EHBP1: variants seen among roughly 807,000 people sequenced by gnomAD.
The protein encoded by EHBP1 is EH domain binding protein 1.
EHBP1 carries 55 observed loss-of-function variants against 144.0 expected under a neutral mutation model. The ratio of observed to expected loss-of-function variants is 0.38; its 90% confidence interval spans 0.31 to 0.48. The LOEUF (loss-of-function observed/expected upper bound fraction) is 0.48, where lower values mean the gene tolerates loss of function less well. Among genes scored for constraint, EHBP1 ranks in the 20% least tolerant of loss-of-function variants. EHBP1 has a pLI of 0.98. For synonymous variants in EHBP1, 469 were observed against 472.7 expected, an observed-to-expected ratio of 0.99 and a Z score of 0.10; for missense variants, 1,200 against 1,364.2, an observed-to-expected ratio of 0.88 and a Z score of 1.90.
At chr2:63,019,324 A>G (rs2153275592) in intron 19 of EHBP1, among the ~76,000 whole-genome samples, 1 of 152,304 alleles carries the variant, frequency 6.6e-6, no homozygotes, top group South Asian at 2.1e-4. Flanking sequence ...GAGATTTAAG[A>G]GTATAGACTT....
At chr2:62,827,765 T>C (rs1353258404) in intron 6 of EHBP1, among the ~76,000 whole-genome samples, 1 of 152,038 alleles carries the variant, frequency 6.6e-6, no homozygotes, top group Non-Finnish European at 1.5e-5. Context: ...CCTCCTGGGT[T>C]CAAGTGATTT....
chr2:62,745,589 C>T (rs2039079992), intron 2 of EHBP1, among the ~76,000 whole-genome samples: 1 of 151,694 alleles, frequency 6.6e-6, no homozygotes. Context: ...AGCAAGATGC[C>T]TATGAGATAT....
intron 5 of EHBP1, among the ~76,000 whole-genome samples, chr2:62,792,691 C>T (rs1295694546): frequency 2.0e-5 from 3 of 151,988 alleles, no homozygotes; most frequent in Non-Finnish European, 2.9e-5. Flanking sequence ...TCTTTTTGTA[C>T]ACTCAAACAA....
chr2:63,022,121 C>T (rs1444615944), intron 19 of EHBP1, among the ~76,000 whole-genome samples: 1 of 152,092 alleles, frequency 6.6e-6, no homozygotes, highest in African/African-American at 2.4e-5. Context: ...CAACTGGATG[C>T]ATTACTGACC....
chr2:62,921,480 C>A (rs2055076721), intron 10 of EHBP1, among the ~76,000 whole-genome samples: 1 of 149,926 alleles, frequency 6.7e-6, no homozygotes. Context: ...CCCATGATAA[C>A]CACAAAGAAA....
chr2:62,760,423 A>G (rs978365239), intron 3 of EHBP1, among the ~76,000 whole-genome samples: 2 of 152,218 alleles, frequency 1.3e-5, no homozygotes, highest in Non-Finnish European at 2.9e-5. Context: ...TGTACTAGCA[A>G]CTTAGGAACT....
At chr2:62,760,863 T>C (rs2040714670) in intron 3 of EHBP1, among the ~76,000 whole-genome samples, 1 of 152,208 alleles carries the variant, frequency 6.6e-6, no homozygotes, top group African/African-American at 2.4e-5. Context: ...CTGAATTAGA[T>C]CTAAAGATAT....
intron 5 of EHBP1, among the ~76,000 whole-genome samples, chr2:62,814,208 A>G (rs2045269348): frequency 6.6e-6 from 1 of 152,198 alleles, no homozygotes; most frequent in Non-Finnish European, 1.5e-5. Flanking sequence ...TTATGAATGC[A>G]TTAATTTCAT....
At chr2:62,963,124 C>T (rs1299160410) in intron 14 of EHBP1, among the ~76,000 whole-genome samples, 1 of 152,186 alleles carries the variant, frequency 6.6e-6, no homozygotes, top group Non-Finnish European at 1.5e-5. Flanking sequence ...TAGTTAACTG[C>T]TAAGACCAGT....
intron 7 of EHBP1, among the ~76,000 whole-genome samples, chr2:62,854,401 A>G (rs565064334): frequency 5.8e-4 from 88 of 152,384 alleles, no homozygotes; most frequent in African/African-American, 2.1e-3. Context: ...TAGCATTCAG[A>G]CTGTCTTTGG....
At chr2:62,866,059 T>G (rs1219679642) in intron 9 of EHBP1, among the ~76,000 whole-genome samples, 3 of 152,204 alleles carry the variant, frequency 2.0e-5, no homozygotes, top group Non-Finnish European at 4.4e-5. Context: ...CCCTGGAGTT[T>G]GCCCCAGACC....
intron 8 of EHBP1, among the ~76,000 whole-genome samples, chr2:62,862,545 A>C (rs1293163133): frequency 3.9e-5 from 6 of 152,098 alleles, no homozygotes; most frequent in Admixed American, 3.9e-4. Flanking sequence ...GGGAGAGGTC[A>C]CTGCAGAGGT....
chr2:62,819,832 C>T (rs1404703889), intron 5 of EHBP1, among the ~76,000 whole-genome samples: 1 of 151,100 alleles, frequency 6.6e-6, no homozygotes, highest in African/African-American at 2.4e-5. Context: ...ATAGATAAAT[C>T]GTAGAAATTC....
intron 6 of EHBP1, among the ~76,000 whole-genome samples, chr2:62,830,151 TAGACAC>T (rs1203161724): frequency 2.8e-4 from 18 of 64,806 alleles, no homozygotes; most frequent in Non-Finnish European, 5.4e-4. Context: ...TATATATATA[TAGACAC>T]ACACACACAC....
chr2:62,838,057 A>AAAATTC (rs2047440035), intron 7 of EHBP1, among the ~76,000 whole-genome samples: 1 of 150,488 alleles, frequency 6.6e-6, no homozygotes, highest in African/African-American at 2.5e-5. Flanking sequence ...GCACCACACC[A>AAAATTC]CACCTATTCC....
intron 15 of EHBP1, among the ~76,000 whole-genome samples, chr2:62,985,322 G>C (rs932673179): frequency 5.1e-4 from 78 of 152,206 alleles, no homozygotes; most frequent in African/African-American, 1.7e-3. Flanking sequence ...TTGTGAGCAA[G>C]AGTGATATTA....
chr2:62,952,253 G>A (rs1412547757), intron 13 of EHBP1, among the ~76,000 whole-genome samples: 1 of 152,178 alleles, frequency 6.6e-6, no homozygotes, highest in African/African-American at 2.4e-5. Context: ...TAATATAGGT[G>A]CTGACATTTG....
At chr2:62,796,384 G>A (rs897064074) in intron 5 of EHBP1, among the ~76,000 whole-genome samples, 5 of 152,034 alleles carry the variant, frequency 3.3e-5, no homozygotes, top group African/African-American at 1.2e-4. Flanking sequence ...CAAAATAGGG[G>A]TATTAGATTG....
intron 10 of EHBP1, among the ~76,000 whole-genome samples, chr2:62,881,398 C>T (rs13383623): frequency 3.0e-5 from 2 of 67,308 alleles, no homozygotes; most frequent in African/African-American, 1.2e-4. Context: ...ACCTGTAATA[C>T]AAGTTGGAAA....
Sources: gnomAD v4.1 joint callset for allele counts (sites outside exome capture counted in the v4.1 genomes callset) on GRCh38, gnomAD v4.1.1 for gene constraint, MANE v1.5 for transcripts, NCBI Gene and HGNC (gene_info 2026-07-23, HGNC 2026-07-21) for gene names.